DOK5: variants seen among roughly 807,000 people sequenced by gnomAD.
The protein encoded by DOK5 is downstream of tyrosine kinase 5.
Under a neutral mutation model 43.3 loss-of-function variants are expected in DOK5, and 27 were observed. The ratio of observed to expected loss-of-function variants is 0.62; its 90% confidence interval spans 0.46 to 0.86. The LOEUF is 0.86. Ranked by LOEUF, DOK5 falls within the 40% of genes least tolerant of loss-of-function variation. The pLI is 0.00. For missense variants in DOK5, 373 were observed against 392.9 expected (o/e 0.95, Z 0.43); for synonymous variants, 146 against 140.1 (o/e 1.04, Z -0.30).
chr20:54,528,675 A>T (rs2146703580), intron 1 of DOK5, among the ~76,000 whole-genome samples: 1 of 152,334 alleles, frequency 6.6e-6, no homozygotes, highest in African/African-American at 2.4e-5. Context: ...CTCAGCTGGC[A>T]CATTGCCGAG....
chr20:54,607,958 A>G (rs1986525566), intron 5 of DOK5, among the ~76,000 whole-genome samples: 1 of 152,180 alleles, frequency 6.6e-6, no homozygotes, highest in Non-Finnish European at 1.5e-5. Flanking sequence ...TGATTTTCCA[A>G]GAGTAAAATT....
chr20:54,490,930 T>C (rs996330806), intron 1 of DOK5, among the ~76,000 whole-genome samples: 1 of 152,186 alleles, frequency 6.6e-6, no homozygotes, highest in Non-Finnish European at 1.5e-5. Context: ...CATCTACTTT[T>C]CACTCTTCAA....
intron 6 of DOK5, among the ~76,000 whole-genome samples, chr20:54,622,478 T>C (rs1987011738): frequency 6.6e-6 from 1 of 152,246 alleles, no homozygotes; most frequent in Non-Finnish European, 1.5e-5. Flanking sequence ...TATTAAATGC[T>C]GCCTTAGCTT....
At position 54,524,071 on chromosome 20, in the gene DOK5, C is replaced by A. The variant is rs569457879; in HGVS notation, c.67-30862C>A. 3.9e-5 allele frequency among the ~76,000 whole-genome samples: 6 copies of A among 152,274 alleles called. No homozygotes were observed. In the South Asian group the frequency reaches 1.2e-3, roughly 32 times the overall value. On this transcript the variant is annotated intron_variant, in intron 1 of 7. Transcript: ENST00000262593. ...ACAATGGTTCACTCTGTTCACCTCT[C>A]ACCCTACTCCATGCATCTCCCAGTT...
At chr20:54,565,009 A>AT (rs961255472) in intron 2 of DOK5, among the ~76,000 whole-genome samples, 1 of 151,098 alleles carries the variant, frequency 6.6e-6, no homozygotes, top group Non-Finnish European at 1.5e-5. Context: ...GCTCTCCCCC[A>AT]TTTTTTTTCT....
intron 6 of DOK5, among the ~76,000 whole-genome samples, chr20:54,612,138 C>A (rs1986670227): frequency 6.6e-6 from 1 of 152,204 alleles, no homozygotes; most frequent in South Asian, 2.1e-4. Context: ...GATTTTCTCT[C>A]AACCATTAAA....
chr20:54,557,931 G>T (rs1352761882), intron 2 of DOK5, among the ~76,000 whole-genome samples: 1 of 152,164 alleles, frequency 6.6e-6, no homozygotes, highest in Non-Finnish European at 1.5e-5. Flanking sequence ...GGTCTACAAA[G>T]ACAGGGATTT....
At chr20:54,507,420 A>G (rs1199420969) in intron 1 of DOK5, among the ~76,000 whole-genome samples, 2 of 152,262 alleles carry the variant, frequency 1.3e-5, no homozygotes, top group African/African-American at 4.8e-5. Flanking sequence ...AATCAAATAT[A>G]TCCAAGACAT....
intron 7 of DOK5, among the ~76,000 whole-genome samples, chr20:54,644,094 C>T (rs181270147): frequency 7.2e-5 from 11 of 152,288 alleles, no homozygotes; most frequent in South Asian, 2.1e-4. Context: ...GTGATTCTCC[C>T]GAGAGCTCAG....
At chr20:54,525,347 A>G (rs1016059525) in intron 1 of DOK5, among the ~76,000 whole-genome samples, 18 of 152,214 alleles carry the variant, frequency 1.2e-4, no homozygotes, top group Non-Finnish European at 4.4e-5. Flanking sequence ...TTGAACATTA[A>G]AATTCTTATT....
At chr20:54,490,527 G>A (rs151047250) in intron 1 of DOK5, among the ~76,000 whole-genome samples, 70 of 152,226 alleles carry the variant, frequency 4.6e-4, no homozygotes, top group African/African-American at 1.7e-3. Flanking sequence ...TATAATTTCT[G>A]AATGTTGCAT....
At chr20:54,605,960 A>G (rs1257011297) in intron 5 of DOK5, among the ~76,000 whole-genome samples, 2 of 152,232 alleles carry the variant, frequency 1.3e-5, no homozygotes, top group Non-Finnish European at 2.9e-5. Context: ...ATGCAGATTT[A>G]GGCAGGTTAG....
chr20:54,529,102 T>C (rs553614383), intron 1 of DOK5, among the ~76,000 whole-genome samples: 2 of 152,326 alleles, frequency 1.3e-5, no homozygotes, highest in Admixed American at 6.5e-5. Context: ...TTTTTATCTC[T>C]ACTAAAACTA....
chr20:54,617,803 T>C (rs1184033122), intron 6 of DOK5, among the ~76,000 whole-genome samples: 1 of 152,244 alleles, frequency 6.6e-6, no homozygotes, highest in Non-Finnish European at 1.5e-5. Flanking sequence ...TAAATATTTT[T>C]CCTACTTTAT....
intron 2 of DOK5, among the ~76,000 whole-genome samples, chr20:54,584,727 A>G (rs531387886): frequency 8.7e-5 from 13 of 148,826 alleles, no homozygotes; most frequent in African/African-American, 2.7e-4. Context: ...GTGTGTGTGT[A>G]TATATATATA....
At chr20:54,497,640 A>G (rs1982450933) in intron 1 of DOK5, among the ~76,000 whole-genome samples, 1 of 152,178 alleles carries the variant, frequency 6.6e-6, no homozygotes, top group Admixed American at 6.5e-5. Context: ...TGAGTGTCAG[A>G]AAAAAAGGAA....
intron 5 of DOK5, among the ~76,000 whole-genome samples, chr20:54,609,955 A>T (rs1329786394): frequency 6.6e-6 from 1 of 151,908 alleles, no homozygotes; most frequent in African/African-American, 2.4e-5. Flanking sequence ...CGAGAACAGA[A>T]TCTAAGAGAC....
intron 5 of DOK5, among the ~76,000 whole-genome samples, chr20:54,607,353 C>G (rs1490022012): frequency 6.6e-6 from 1 of 151,440 alleles, no homozygotes; most frequent in Non-Finnish European, 1.5e-5. Context: ...TGCCTGAACT[C>G]TAATGGAATT....
chr20:54,547,277 C>G (rs1174928506), intron 1 of DOK5, among the ~76,000 whole-genome samples: 1 of 152,142 alleles, frequency 6.6e-6, no homozygotes, highest in Non-Finnish European at 1.5e-5. Context: ...TACTCTTTGG[C>G]TCATTACAGA....
Sources: gnomAD v4.1 joint callset for allele counts (sites outside exome capture counted in the v4.1 genomes callset) on GRCh38, gnomAD v4.1.1 for gene constraint, MANE v1.5 for transcripts, NCBI Gene and HGNC (gene_info 2026-07-23, HGNC 2026-07-21) for gene names.